Variants in COL11A1 observed in about 807,000 individuals in gnomAD.
The protein encoded by COL11A1 is collagen alpha-1(XI) chain.
COL11A1 carries 74 observed loss-of-function variants against 265.2 expected under a neutral mutation model. The ratio of observed to expected loss-of-function variants is 0.28; its 90% CI spans 0.23 to 0.34. The LOEUF (loss-of-function observed/expected upper bound fraction) is 0.34. Among genes scored for constraint, COL11A1 ranks in the 10% least tolerant of loss-of-function variants. The pLI is 1.00. For synonymous variants in COL11A1, 816 were observed against 727.6 expected (o/e 1.12, Z -1.96); for missense variants, 2,165 against 2,263.6 (o/e 0.96, Z 0.88).
At chr1:102,988,224 C>T (rs980059349) in intron 29 of COL11A1, among the ~76,000 whole-genome samples, 6 of 152,136 alleles carry the variant, frequency 3.9e-5, no homozygotes, top group Non-Finnish European at 5.9e-5. Flanking sequence ...GCCTCATGTT[C>T]CCCAGCCAGA....
At chr1:102,978,633 A>G (rs1246542860) in intron 35 of COL11A1, 75 bp downstream of exon 35, 2 of 1,495,572 alleles carry the variant, frequency 1.3e-6, no homozygotes, top group Non-Finnish European at 1.9e-6. Flanking sequence ...GCAGACATAT[A>G]TCTTTTCTCT....
At chr1:103,077,001 T>A (rs1538047) in intron 3 of COL11A1, among the ~76,000 whole-genome samples, 3 of 152,044 alleles carry the variant, frequency 2.0e-5, no homozygotes, top group South Asian at 2.1e-4. Flanking sequence ...AGTATGTCAC[T>A]TTTTAACTGT....
intron 4 of COL11A1, among the ~76,000 whole-genome samples, chr1:103,042,707 C>A (rs1229239565): frequency 6.6e-6 from 1 of 152,042 alleles, no homozygotes; most frequent in South Asian, 2.1e-4. Flanking sequence ...CAGCTCCTCA[C>A]TGAGCACTGT....
chr1:102,931,578 G>T (rs1338925396), intron 46 of COL11A1, among the ~76,000 whole-genome samples: 3 of 152,078 alleles, frequency 2.0e-5, no homozygotes, highest in African/African-American at 4.8e-5. Context: ...TGTTGATTTG[G>T]GGTAGAGAGT....
chr1:103,014,567 CTTT>C lies in COL11A1; in HGVS notation c.1513_1515del (p.Lys505del). Reference sequence around the variant, plus strand: ...GCTTCCTGAGCAGAGATGGTTGGTCCTTTGGAACCATCACCACCATAACGGAAC... The same window carrying C: ...GCTTCCTGAGCAGAGATGGTTGGTCCGGAACCATCACCACCATAACGGAAC... On this transcript the variant is annotated inframe_deletion, in exon 13 of 67. Coordinates refer to ENST00000370096, the MANE Select transcript of COL11A1 (RefSeq NM_001854.4). 6.2e-7 allele frequency: 1 copy of C among 1,613,652 alleles called. No homozygotes were observed. The highest frequency in any genetic ancestry group is 8.5e-7 in the Non-Finnish European group (1 of 1,179,728).
At chr1:102,951,591 C>T (rs1659882672) in intron 41 of COL11A1, among the ~76,000 whole-genome samples, 1 of 151,724 alleles carries the variant, frequency 6.6e-6, no homozygotes, top group Non-Finnish European at 1.5e-5. Flanking sequence ...AAAAAATTAG[C>T]CGGGTGTGGT....
At chr1:102,942,953 G>C (rs1046611249) in intron 42 of COL11A1, among the ~76,000 whole-genome samples, 12 of 152,004 alleles carry the variant, frequency 7.9e-5, no homozygotes, top group African/African-American at 2.9e-4. Flanking sequence ...TGAGAAAACA[G>C]AGGTTTTGAT....
chr1:103,094,261 T>A (rs1325421424), intron 1 of COL11A1, among the ~76,000 whole-genome samples: 2 of 151,994 alleles, frequency 1.3e-5, no homozygotes, highest in Non-Finnish European at 2.9e-5. Context: ...TCCAAACCAG[T>A]GTCAGAAGAT....
chr1:102,963,415 G>A (rs1661105730), intron 38 of COL11A1, among the ~76,000 whole-genome samples: 1 of 152,148 alleles, frequency 6.6e-6, no homozygotes, highest in Admixed American at 6.5e-5. Flanking sequence ...ACAATATCAG[G>A]TCATTTACGT....
chr1:102,988,002 G>A (rs1663748639), intron 29 of COL11A1, among the ~76,000 whole-genome samples: 1 of 152,094 alleles, frequency 6.6e-6, no homozygotes, highest in African/African-American at 2.4e-5. Flanking sequence ...TTAGAATTAT[G>A]AGAGGGGTGT....
chr1:102,920,063 C>T (rs989411012), intron 49 of COL11A1, among the ~76,000 whole-genome samples: 1 of 151,958 alleles, frequency 6.6e-6, no homozygotes, highest in African/African-American at 2.4e-5. Context: ...TTAAGGACAC[C>T]GTAATTGTGA....
chr1:102,937,515 G>T (rs982073416), intron 44 of COL11A1, among the ~76,000 whole-genome samples: 1 of 152,222 alleles, frequency 6.6e-6, no homozygotes, highest in Admixed American at 6.5e-5. Flanking sequence ...GAGGTGTTTT[G>T]GTTCTTAAGG....
chr1:102,996,956 G>C, intron 26 of COL11A1, 124 bp downstream of exon 26: 2 of 807,846 alleles, frequency 2.5e-6, no homozygotes, highest in Non-Finnish European at 4.3e-6. Flanking sequence ...AGTAGTCTAA[G>C]ATATCTTTTT....
At chr1:102,918,441 T>A (rs1047099272) in intron 49 of COL11A1, among the ~76,000 whole-genome samples, 1 of 151,878 alleles carries the variant, frequency 6.6e-6, no homozygotes, top group South Asian at 2.1e-4. Flanking sequence ...AAGATACTGG[T>A]TTTTTTATTC....
rs759966968 is a variant in COL11A1, at chr1:102,912,216, T to C, written c.4033-4A>G. The C allele has an allele frequency of 2.5e-6, 4 of 1,605,328 alleles. No homozygotes were observed. In the African/African-American group the frequency reaches 4.0e-5, roughly 16 times the overall value. ...CACCAGATGGGCCAGGAGGACCCTA[T>C]AAAATGTGAAAAAATACCTTTAACA... On this transcript the variant is annotated splice_polypyrimidine_tract_variant and splice_region_variant and intron_variant, in intron 53 of 66. Coordinates refer to ENST00000370096, the MANE Select transcript of COL11A1 (RefSeq NM_001854.4).
intron 54 of COL11A1, among the ~76,000 whole-genome samples, chr1:102,899,851 T>C (rs1008076327): frequency 1.3e-5 from 2 of 152,150 alleles, no homozygotes; most frequent in African/African-American, 4.8e-5. Context: ...CCTTTTCAGA[T>C]GCCATATTAA....
At chr1:102,969,300 G>T (rs1413281275) in intron 37 of COL11A1, among the ~76,000 whole-genome samples, 1 of 152,136 alleles carries the variant, frequency 6.6e-6, no homozygotes, top group East Asian at 1.9e-4. Flanking sequence ...TCAGATTTCA[G>T]ATTTATTATA....
intron 41 of COL11A1, among the ~76,000 whole-genome samples, chr1:102,958,905 A>G (rs79690169): frequency 0.011 from 1,620 of 152,198 alleles, 28 homozygotes; most frequent in African/African-American, 0.037. Flanking sequence ...GGCGTCACCA[A>G]ACTGTCATTC....
intron 3 of COL11A1, among the ~76,000 whole-genome samples, chr1:103,076,879 T>C (rs138450003): frequency 1.6e-3 from 243 of 152,268 alleles, no homozygotes; most frequent in African/African-American, 4.9e-3. Context: ...TAAATACTTA[T>C]GGAATGAATG....
Sources: allele counts gnomAD v4.1 joint callset (sites outside exome capture counted in the v4.1 genomes callset), GRCh38; gene constraint gnomAD v4.1.1; transcripts MANE v1.5; gene names NCBI Gene and HGNC (gene_info 2026-07-23, HGNC 2026-07-21).